The following FAM81A variants were observed in gnomAD, a reference collection of about 807,000 sequenced individuals.
FAM81A encodes family with sequence similarity 81 member A, also known as protein FAM81A.
A neutral mutation model predicts 46.7 loss-of-function variants in FAM81A; 19 were observed. The ratio of observed to expected loss-of-function variants is 0.41; its 90% CI spans 0.28 to 0.60. FAM81A has a LOEUF of 0.60. Ranked by LOEUF, FAM81A falls within the 20% of genes least tolerant of loss-of-function variation. FAM81A has a pLI of 0.34. For synonymous variants in FAM81A, 183 were observed against 152.9 expected (o/e 1.20, Z -1.45); for missense variants, 377 against 453.5 (o/e 0.83, Z 1.53).
At chr15:59,511,053 G>T (rs1296133454) in intron 6 of FAM81A, among the ~76,000 whole-genome samples, 1 of 151,768 alleles carries the variant, frequency 6.6e-6, no homozygotes, top group African/African-American at 2.4e-5. Context: ...CCGAAATCAT[G>T]CCACTGCACT....
At chr15:59,451,308 G>C (rs561839715) in intron 1 of FAM81A, among the ~76,000 whole-genome samples, 1 of 152,290 alleles carries the variant, frequency 6.6e-6, no homozygotes, top group African/African-American at 2.4e-5. Context: ...AAAAGATGTG[G>C]TTGGTGAGTA....
At chr15:59,439,414 G>A (rs1239793704) in intron 1 of FAM81A, among the ~76,000 whole-genome samples, 3 of 151,940 alleles carry the variant, frequency 2.0e-5, no homozygotes, top group Non-Finnish European at 4.4e-5. Context: ...GTGTTGGGGG[G>A]GGCGGGTTCC....
intron 2 of FAM81A, among the ~76,000 whole-genome samples, chr15:59,430,057 C>T (rs186512134): frequency 1.3e-5 from 2 of 152,206 alleles, no homozygotes; most frequent in East Asian, 1.9e-4. Context: ...GAAAAATAAA[C>T]TAAACAGCTG....
chr15:59,480,324 C>G (rs1360824746), intron 3 of FAM81A, among the ~76,000 whole-genome samples: 1 of 152,126 alleles, frequency 6.6e-6, no homozygotes, highest in South Asian at 2.1e-4. Flanking sequence ...GAAGGAGGAA[C>G]ATGGAGAGCT....
chr15:59,411,109 G>T (rs1048956401), intron 2 of FAM81A, among the ~76,000 whole-genome samples: 11 of 152,152 alleles, frequency 7.2e-5, no homozygotes, highest in Admixed American at 5.9e-4. Flanking sequence ...TGAACATTAT[G>T]TTAAAGTATA....
At chr15:59,410,299 A>G (rs1014548979) in intron 2 of FAM81A, among the ~76,000 whole-genome samples, 1 of 152,148 alleles carries the variant, frequency 6.6e-6, no homozygotes, top group East Asian at 1.9e-4. Context: ...TCCATGTCCA[A>G]AAAAAAGAAG....
chr15:59,478,835 T>A (rs2081808101), intron 3 of FAM81A, among the ~76,000 whole-genome samples: 1 of 152,154 alleles, frequency 6.6e-6, no homozygotes, highest in Non-Finnish European at 1.5e-5. Flanking sequence ...CTTGTCTGAG[T>A]CCTCTTTGAG....
chr15:59,446,304 TC>T, intron 1 of FAM81A: 1 of 152,270 alleles, frequency 6.6e-6, no homozygotes, highest in South Asian at 2.1e-4. Context: ...TTGCAAGGGT[TC>T]TCCTAAAAAT....
chr15:59,461,151 C>T (rs1384461568), intron 3 of FAM81A, among the ~76,000 whole-genome samples: 1 of 152,124 alleles, frequency 6.6e-6, no homozygotes, highest in African/African-American at 2.4e-5. Context: ...TCACATAAGC[C>T]TGTTTGCAGT....
intron 3 of FAM81A, among the ~76,000 whole-genome samples, chr15:59,461,318 G>A (rs2081548722): frequency 6.6e-6 from 1 of 151,986 alleles, no homozygotes; most frequent in South Asian, 2.1e-4. Flanking sequence ...TTGTTTGTTT[G>A]TTTGTTTGTT....
At chr15:59,463,029 T>G (rs1229281183) in intron 3 of FAM81A, among the ~76,000 whole-genome samples, 3 of 152,218 alleles carry the variant, frequency 2.0e-5, no homozygotes, top group African/African-American at 7.2e-5. Context: ...TGAAGTCTAA[T>G]ATCAATTTTT....
intron 4 of FAM81A, among the ~76,000 whole-genome samples, chr15:59,493,061 C>T (rs544175615): frequency 6.6e-6 from 1 of 152,286 alleles, no homozygotes; most frequent in Admixed American, 6.5e-5. Context: ...GCCTCTTCTG[C>T]CCTCTGCTGG....
intron 2 of FAM81A, 91 bp from the exon 3 acceptor site, chr15:59,459,842 T>G: frequency 2.1e-6 from 3 of 1,443,070 alleles, no homozygotes; most frequent in Non-Finnish European, 1.8e-6. Flanking sequence ...TTATAGATAA[T>G]TTGTATTTCC....
chr15:59,518,485 T>A (rs1476533031), intron 8 of FAM81A, among the ~76,000 whole-genome samples: 1 of 151,994 alleles, frequency 6.6e-6, no homozygotes, highest in Non-Finnish European at 1.5e-5. Flanking sequence ...GCCCAGCTCA[T>A]TTTTTTATTT....
chr15:59,406,809 G>A lies in FAM81A; in HGVS notation c.-78+4451G>A, dbSNP rs115789730. 4.3e-3 allele frequency among the ~76,000 whole-genome samples: 646 copies of A among 151,554 alleles called. 3 individuals are homozygous for A. Among genetic ancestry groups the A allele is most frequent in the African/African-American group, 0.015 (625 of 41,300 alleles). On this transcript the variant is annotated intron_variant, in intron 2 of 4. Coordinates refer to the FAM81A transcript ENST00000558348. Reference sequence around the variant, plus strand: ...TGTTCAGCTCAGTTCTCAACATTCAGTTCAGAGGTGTGCACTGGCTTAGCA... The same window carrying A: ...TGTTCAGCTCAGTTCTCAACATTCAATTCAGAGGTGTGCACTGGCTTAGCA...
chr15:59,474,468 G>A (rs556379798), intron 3 of FAM81A, among the ~76,000 whole-genome samples: 1 of 152,258 alleles, frequency 6.6e-6, no homozygotes, highest in South Asian at 2.1e-4. Flanking sequence ...ATTGCAAAAG[G>A]ATTGAACAGA....
intron 2 of FAM81A, among the ~76,000 whole-genome samples, chr15:59,425,150 G>T (rs1043890171): frequency 2.0e-5 from 3 of 152,024 alleles, no homozygotes; most frequent in Non-Finnish European, 2.9e-5. Flanking sequence ...CTCCCAAAGT[G>T]TTGGGATAAT....
intron 8 of FAM81A, among the ~76,000 whole-genome samples, chr15:59,518,808 A>T (rs1000374209): frequency 3.3e-5 from 5 of 151,740 alleles, no homozygotes; most frequent in Non-Finnish European, 7.4e-5. Flanking sequence ...TTTTTTAAAT[A>T]AAAAAAATTG....
At chr15:59,466,788 A>C (rs551024297) in intron 3 of FAM81A, among the ~76,000 whole-genome samples, 1 of 152,194 alleles carries the variant, frequency 6.6e-6, no homozygotes, top group Non-Finnish European at 1.5e-5. Context: ...GCCCATGCCT[A>C]TGTCCTGAAT....
Sources: gnomAD v4.1 joint callset for allele counts (sites outside exome capture counted in the v4.1 genomes callset) on GRCh38, gnomAD v4.1.1 for gene constraint, MANE v1.5 for transcripts, NCBI Gene and HGNC (gene_info 2026-07-23, HGNC 2026-07-21) for gene names.